The following CSF2RB variants were observed in gnomAD, a reference collection of about 807,000 sequenced individuals.
CSF2RB encodes cytokine receptor common subunit beta.
Under a neutral mutation model 67.2 loss-of-function variants are expected in CSF2RB, and 22 were observed. That is an observed-to-expected ratio of 0.33 (90% CI 0.23 to 0.47). The LOEUF (loss-of-function observed/expected upper bound fraction) is 0.47, where lower values mean the gene tolerates loss of function less well. Among genes scored for constraint, CSF2RB ranks in the 20% least tolerant of loss-of-function variants. The pLI is 1.00. For missense variants in CSF2RB, 1,113 were observed against 1,174.5 expected, an observed-to-expected ratio of 0.95 and a Z score of 0.76; for synonymous variants, 507 against 482.9, an observed-to-expected ratio of 1.05 and a Z score of -0.65.
chr22:36,920,727 GC>G (rs1330112841), intron 1 of CSF2RB, among the ~76,000 whole-genome samples: 1 of 152,118 alleles, frequency 6.6e-6, no homozygotes, highest in African/African-American at 2.4e-5. Flanking sequence ...ATGCTTTTAA[GC>G]TTAAAGAGTT....
Position 36,937,265 on chromosome 22 carries a change from G to C in CSF2RB, c.1569-112G>C, listed in dbSNP as rs1453276335. The C allele has an allele frequency of 2.2e-6, 3 of 1,336,756 alleles. No individual in the cohort carries two copies. Among genetic ancestry groups the C allele is most frequent in the Non-Finnish European group, 3.1e-6 (3 of 952,594 alleles). The allele number at this position is 1,336,756 out of a possible 1,614,324, so 82.8% of individuals were successfully genotyped here. A position where few individuals can be genotyped will look rare whatever the true frequency, so the allele number is the denominator to read the frequency against. On this transcript the variant is annotated intron_variant, in intron 13 of 13. Transcript: ENST00000403662. This position sits in a 1 kb window ranked among gnomAD's most constrained non-coding sequence, Gnocchi z 4.6. The stretch of plus-strand genomic sequence containing the variant: ...GTTCAGGTTCTCTCTGTGAGATCTG[G>C]GGGACATCAGGGCTTCCAGAGAACC...
At chr22:36,930,997 C>T (rs1011734933) in intron 8 of CSF2RB, among the ~76,000 whole-genome samples, 167 bp downstream of exon 8, 8 of 152,192 alleles carry the variant, frequency 5.3e-5, no homozygotes, top group Non-Finnish European at 7.3e-5. Flanking sequence ...GAAACCACGA[C>T]GGCAGTGGCC....
intron 13 of CSF2RB, 123 bp downstream of exon 13, chr22:36,936,775 G>A: frequency 1.3e-6 from 1 of 799,896 alleles, no homozygotes; most frequent in Non-Finnish European, 2.0e-6. Context: ...CAAGGGAGCT[G>A]GTTTGCACTA....
intron 1 of CSF2RB, among the ~76,000 whole-genome samples, chr22:36,921,346 T>G (rs1354886789): frequency 6.6e-6 from 1 of 151,942 alleles, no homozygotes; most frequent in Non-Finnish European, 1.5e-5. Flanking sequence ...TGTCTGTGTG[T>G]GCATTTGTGT....
At chr22:36,922,829 A>G in intron 2 of CSF2RB, 1 of 308,188 alleles carries the variant, frequency 3.2e-6, no homozygotes, top group Non-Finnish European at 6.3e-6. Flanking sequence ...GAGGACGGGG[A>G]CTAGAGAGGA....
chr22:36,937,343 G>C lies in CSF2RB; in HGVS notation c.1569-34G>C. On this transcript the variant is annotated intron_variant, in intron 13 of 13. Transcript: ENST00000403662. This position sits in a 1 kb window ranked among gnomAD's most constrained non-coding sequence, Gnocchi z 4.6. ...CTGACCCGGATCATCTGCCCAGGGTGGTCCCAACTCTTCTGCCCATTTTCT... is the reference window on the plus strand; with the variant it reads ...CTGACCCGGATCATCTGCCCAGGGTCGTCCCAACTCTTCTGCCCATTTTCT... The C allele has an allele frequency of 6.2e-7, 1 of 1,609,328 alleles. No individual in the cohort carries two copies. Among genetic ancestry groups the C allele is most frequent in the Admixed American group, 1.7e-5 (1 of 59,998 alleles).
At chr22:36,923,715 G>A (rs1940938399) in intron 3 of CSF2RB, 1 of 1,314,912 alleles carries the variant, frequency 7.6e-7, no homozygotes, top group Non-Finnish European at 9.9e-7. Flanking sequence ...GCAGGGCCAG[G>A]CCACGAAGCC....
chr22:36,923,677 A>G (rs1569132359), intron 3 of CSF2RB: 3 of 1,363,802 alleles, frequency 2.2e-6, no homozygotes, highest in Non-Finnish European at 2.9e-6. Flanking sequence ...CACATGACCT[A>G]TCTTAGTTCC....
rs996013650 is a variant in CSF2RB at position 36,938,336 on chromosome 22, G to C, written c.2528G>C (p.Gly843Ala). The C allele has an allele frequency of 2.5e-6, 4 of 1,614,146 alleles. No homozygotes were observed. The highest frequency in any genetic ancestry group is 3.4e-6 in the Non-Finnish European group (4 of 1,180,026). ...CTCCGGAGTAAACCTTCTTCCCCGG[G>C]ACCCGGTCCTGAGATCAAGAACCTA... The part of the protein sequence containing the change: ...LSLRSKPSSP[G>A]PGPEIKNLDQ... Residue 843 changes from glycine (G) to alanine (A), a missense_variant, in exon 14 of 14, where the codon GGA becomes GCA. Around this residue, in one of 2 missense-constraint regions of CSF2RB, gnomAD observed 554 missense variants for 517.9 expected, o/e 1.07. Transcript: ENST00000403662.
At position 36,935,432 on chromosome 22, in the gene CSF2RB, A is replaced by G; in HGVS notation, c.1397A>G (p.Tyr466Cys). Residue 466 changes from tyrosine to cysteine, a missense_variant, in exon 11 of 14, where the codon TAC (tyrosine) becomes TGC (cysteine). Coordinates refer to ENST00000403662, the MANE Select transcript of CSF2RB (RefSeq NM_000395.3). Reference protein sequence around the residue: ...VLLALRFCGIYGYRLRRKWEE... With the variant: ...VLLALRFCGICGYRLRRKWEE... Reference sequence around the variant, plus strand: ...CTGGCCCTCCGCTTCTGTGGCATCTACGGGTACAGGTGAGGGGACTCTGTG... The same window carrying G: ...CTGGCCCTCCGCTTCTGTGGCATCTGCGGGTACAGGTGAGGGGACTCTGTG... 6.2e-7 allele frequency: 1 copy of G among 1,613,918 alleles called. No individual in the cohort carries two copies. The highest frequency in any genetic ancestry group is 2.2e-5 in the East Asian group (1 of 44,872).
chr22:36,938,893 C>A lies in CSF2RB; in HGVS notation c.*391C>A. 1.7e-6 allele frequency: 1 copy of A among 579,894 alleles called. No individual in the cohort carries two copies. The highest frequency in any genetic ancestry group is 3.0e-5 in the Admixed American group (1 of 33,166). The allele number at this position is 579,894 out of a possible 1,614,324, so 35.9% of individuals were successfully genotyped here. ...AGTGGGGCTGAGGTCTGAGCTGAGC[C>A]TTATCAGACTGAGATGCGGCTGGTT... is the stretch of plus-strand genomic sequence containing the variant. On this transcript the variant is annotated 3_prime_UTR_variant, in exon 14 of 14. Transcript: ENST00000403662.
chr22:36,937,293 C>T lies in CSF2RB; in HGVS notation c.1569-84C>T, dbSNP rs1941286859. Reference sequence around the variant, plus strand: ...GACATCAGGGCTTCCAGAGAACCATCTCCACCCCACCAAGACCCTTGTGCC... The same window carrying T: ...GACATCAGGGCTTCCAGAGAACCATTTCCACCCCACCAAGACCCTTGTGCC... On this transcript the variant is annotated intron_variant, in intron 13 of 13. Coordinates refer to ENST00000403662, the MANE Select transcript of CSF2RB (RefSeq NM_000395.3). This position sits in a 1 kb window ranked among gnomAD's most constrained non-coding sequence, Gnocchi z 4.6. 7.2e-6 allele frequency: 11 copies of T among 1,533,610 alleles called. No homozygotes were observed. The South Asian group carries it at 1.2e-4, about 17-fold the overall frequency.
chr22:36,925,896 C>T (rs1941003984), intron 3 of CSF2RB, 91 bp from the exon 4 acceptor site: 14 of 1,402,260 alleles, frequency 1.0e-5, no homozygotes, highest in African/African-American at 2.8e-5. Flanking sequence ...TGATTCTGAA[C>T]AGAGCCAGGC....
Position 36,926,117 on chromosome 22 carries a change from T to A in CSF2RB, c.331T>A (p.Phe111Ile). The A allele has an allele frequency of 6.2e-7, 1 of 1,614,202 alleles. No individual in the cohort carries two copies. Among genetic ancestry groups the A allele is most frequent in the Non-Finnish European group, 8.5e-7 (1 of 1,180,038 alleles). Residue 111 changes from phenylalanine to isoleucine, a missense_variant, in exon 4 of 14, where the codon TTC becomes ATC. Physicochemically the swap from Phe to Ile is conservative, Grantham distance 21. Transcript: ENST00000403662. Reference sequence around the variant, plus strand: ...TTTTGTCGTCACTGACGTTGACTACTTCTCATTCCAACCAGACAGGCCTCT... The same window carrying A: ...TTTTGTCGTCACTGACGTTGACTACATCTCATTCCAACCAGACAGGCCTCT... ...QSFVVTDVDY[F>I]SFQPDRPLGT...
At chr22:36,919,109 T>C (rs990780171) in intron 1 of CSF2RB, among the ~76,000 whole-genome samples, 1 of 152,226 alleles carries the variant, frequency 6.6e-6, no homozygotes, top group Admixed American at 6.5e-5. Flanking sequence ...AGGAAGGAAA[T>C]AGACCTTTTT....
chr22:36,914,840 A>G (rs1414512285), intron 1 of CSF2RB, among the ~76,000 whole-genome samples: 2 of 152,160 alleles, frequency 1.3e-5, no homozygotes, highest in Non-Finnish European at 2.9e-5. Flanking sequence ...CAGATATACC[A>G]ACACCACAGG....
At chr22:36,930,234 CA>C (rs1179610420) in intron 6 of CSF2RB, 140 bp from the exon 7 acceptor site, 1 of 1,151,592 alleles carries the variant, frequency 8.7e-7, no homozygotes, top group Admixed American at 1.7e-5. Flanking sequence ...ACACAGCTGG[CA>C]GGTTCAGGCT....
At chr22:36,924,894 C>T (rs1256649850) in intron 3 of CSF2RB, among the ~76,000 whole-genome samples, 1 of 152,176 alleles carries the variant, frequency 6.6e-6, no homozygotes, top group Non-Finnish European at 1.5e-5. Context: ...GTCCATGGAC[C>T]TCCTCTCTGC....
Position 36,930,846 on chromosome 22 carries a change from G to C in CSF2RB, c.1012+16G>C. ...TCAGTGAACAGTGAGTTTGCTCCTA[G>C]CCCGCTGTGGGGATGGTCTGGGACC... On this transcript the variant is annotated intron_variant, in intron 8 of 13. Coordinates refer to ENST00000403662, the MANE Select transcript of CSF2RB (RefSeq NM_000395.3). The C allele has an allele frequency of 6.2e-7, 1 of 1,614,104 alleles. No individual in the cohort carries two copies. The highest frequency in any genetic ancestry group is 8.5e-7 in the Non-Finnish European group (1 of 1,180,018).
Sources: gnomAD v4.1 joint callset for allele counts (sites outside exome capture counted in the v4.1 genomes callset) on GRCh38, gnomAD v4.1.1 for gene constraint, gnomAD v4.1.1 regional missense constraint, Gnocchi (gnomAD v3.1) non-coding constraint, MANE v1.5 for transcripts, NCBI Gene and HGNC (gene_info 2026-07-23, HGNC 2026-07-21) for gene names.